NUP210L: variants seen among roughly 807,000 people sequenced by gnomAD.
NUP210L encodes nucleoporin 210 like.
A neutral mutation model predicts 208.5 loss-of-function variants in NUP210L; 74 were observed. The ratio of observed to expected loss-of-function variants is 0.35; its 90% CI spans 0.29 to 0.43. The LOEUF (loss-of-function observed/expected upper bound fraction) is 0.43, where lower values mean the gene tolerates loss of function less well. Ranked by LOEUF, NUP210L falls within the 20% of genes least tolerant of loss-of-function variation. The pLI, the probability that NUP210L is intolerant of heterozygous loss-of-function variation, is 1.00. For missense variants in NUP210L, 1,843 were observed against 2,289.4 expected (o/e 0.81, Z 3.98); for synonymous variants, 780 against 816.9 (o/e 0.95, Z 0.77).
At chr1:154,089,156 A>G (rs1655773657) in intron 16 of NUP210L, among the ~76,000 whole-genome samples, 1 of 152,178 alleles carries the variant, frequency 6.6e-6, no homozygotes, top group African/African-American at 2.4e-5. Context: ...CTCAGACACT[A>G]TCAGAAAATG....
rs80288993 is a variant in NUP210L at position 154,001,183 on chromosome 1, G to A, written c.5182-123C>T. The A allele has an allele frequency of 7.8e-3, 6,229 of 797,892 alleles. 38 individuals carry two copies. The highest frequency in any genetic ancestry group is 0.011 in the Non-Finnish European group (5,391 of 508,090). The allele number at this position is 797,892 out of a possible 1,614,324, so 49.4% of individuals were successfully genotyped here. ...GATCTGGATTTCTAGCTAGCTAGCC[G>A]ACAATCAAATCATTTACTTTTTTGT... On this transcript the variant is annotated intron_variant, in intron 36 of 39. Transcript: ENST00000368559.
intron 3 of NUP210L, among the ~76,000 whole-genome samples, chr1:154,142,959 C>T (rs781460204): frequency 5.3e-5 from 8 of 151,414 alleles, no homozygotes; most frequent in Middle Eastern, 3.5e-3. Context: ...GAGGCCAAGG[C>T]GGGTGGATCA....
At chr1:154,143,664 A>C (rs1434014321) in intron 2 of NUP210L, 87 bp from the exon 3 acceptor site, 16 of 1,178,320 alleles carry the variant, frequency 1.4e-5, no homozygotes, top group Non-Finnish European at 1.9e-5. Flanking sequence ...TATTCTAAAG[A>C]TTATGAAAAA....
chr1:154,072,043 A>AGTTG (rs1209697745), intron 16 of NUP210L, among the ~76,000 whole-genome samples: 2 of 151,490 alleles, frequency 1.3e-5, no homozygotes, highest in Non-Finnish European at 2.9e-5. Context: ...TGGGCATCTC[A>AGTTG]GTTGGTTCCA....
chr1:153,996,108 T>C (rs759415743), intron 37 of NUP210L: 44 of 291,472 alleles, frequency 1.5e-4, no homozygotes, highest in Admixed American at 4.5e-4. Context: ...CTGGCTAACA[T>C]GGTGAAACCC....
chr1:154,105,360 G>A (rs1656699077), intron 12 of NUP210L, among the ~76,000 whole-genome samples: 1 of 152,016 alleles, frequency 6.6e-6, no homozygotes, highest in Non-Finnish European at 1.5e-5. Context: ...CGTGGTGGCG[G>A]GCACCTGTAA....
intron 38 of NUP210L, among the ~76,000 whole-genome samples, chr1:153,994,601 C>G (rs907740226): frequency 5.9e-5 from 9 of 151,990 alleles, no homozygotes; most frequent in Non-Finnish European, 7.4e-5. Flanking sequence ...CATAAGCCAC[C>G]ATGCCCGGCT....
chr1:154,055,506 C>T (rs945115882), intron 23 of NUP210L, among the ~76,000 whole-genome samples: 1 of 152,198 alleles, frequency 6.6e-6, no homozygotes, highest in Non-Finnish European at 1.5e-5. Context: ...CTGCCTCAGC[C>T]TCCCAAAGTG....
At chr1:154,046,033 TCCC>T in intron 27 of NUP210L, 33 bp downstream of exon 27, 1 of 1,552,596 alleles carries the variant, frequency 6.4e-7, no homozygotes, top group Non-Finnish European at 8.7e-7. Flanking sequence ...AATATCAAGA[TCCC>T]TAAGATAACA....
chr1:154,055,181 TTCTTTCTTTTTC>T (rs1418258317), intron 23 of NUP210L, among the ~76,000 whole-genome samples: 8 of 143,680 alleles, frequency 5.6e-5, no homozygotes, highest in Non-Finnish European at 1.2e-4. Flanking sequence ...CTTTCTTTCT[TTCTTTCTTTTTC>T]TTTCTTTCTT....
intron 20 of NUP210L, among the ~76,000 whole-genome samples, chr1:154,059,204 G>A (rs775175613): frequency 2.6e-4 from 40 of 152,100 alleles, no homozygotes; most frequent in Non-Finnish European, 4.9e-4. Context: ...TGGGCACGGT[G>A]GTCCGTGCCT....
At position 153,993,294 on chromosome 1, in the gene NUP210L, C is replaced by T. The variant is rs182904521; in HGVS notation, c.5492-205G>A. 3.7e-4 allele frequency among the ~76,000 whole-genome samples: 56 copies of T among 152,236 alleles called. 1 individual carries two copies. Among genetic ancestry groups the T allele is most frequent in the Admixed American group, 3.1e-3 (47 of 15,278 alleles). Reference sequence around the variant, plus strand: ...CTGAAAGGGGGAAAATGGCCGGGCACGGTGGCTCACGCCTGTAATCGCAGC... The same window carrying T: ...CTGAAAGGGGGAAAATGGCCGGGCATGGTGGCTCACGCCTGTAATCGCAGC... On this transcript the variant is annotated intron_variant, in intron 38 of 39. Transcript: ENST00000368559.
intron 27 of NUP210L, among the ~76,000 whole-genome samples, chr1:154,030,719 TTTAAG>T (rs554446539): frequency 1.9e-3 from 294 of 152,092 alleles, no homozygotes; most frequent in Non-Finnish European, 8.4e-4. Flanking sequence ...TCAAGCACAC[TTTAAG>T]TTGAAACCTT....
Position 154,007,164 on chromosome 1 carries a change from T to C in NUP210L, c.4930+2808A>G, listed in dbSNP as rs1199868191. Among the ~76,000 whole-genome samples the C allele has an allele frequency of 2.0e-5, 3 of 146,980 alleles. No individual in the cohort carries two copies. In the Admixed American group the frequency reaches 2.1e-4, roughly 10 times the overall value. ...TTTTAGTAAAGACGGAGTTTCACCA[T>C]GTTAGCCAGGCTGGTCTCAAACTCC... On this transcript the variant is annotated intron_variant, in intron 35 of 39. Coordinates refer to ENST00000368559, the Ensembl canonical transcript of NUP210L.
At chr1:154,145,303 A>T (rs1659061267) in intron 2 of NUP210L, among the ~76,000 whole-genome samples, 1 of 151,898 alleles carries the variant, frequency 6.6e-6, no homozygotes, top group African/African-American at 2.4e-5. Flanking sequence ...CTGTAGTCCC[A>T]GCTACTCGGG....
At chr1:154,075,086 G>A (rs934126108) in intron 16 of NUP210L, among the ~76,000 whole-genome samples, 3 of 152,102 alleles carry the variant, frequency 2.0e-5, no homozygotes, top group Non-Finnish European at 4.4e-5. Context: ...GAGACTCATT[G>A]TTCACTTTCC....
chr1:154,013,618 CAAA>C, intron 33 of NUP210L, among the ~76,000 whole-genome samples: 1 of 151,596 alleles, frequency 6.6e-6, no homozygotes, highest in South Asian at 2.1e-4. Flanking sequence ...AAAAAACACA[CAAA>C]AAAAACAACT....
intron 10 of NUP210L, among the ~76,000 whole-genome samples, chr1:154,119,970 C>T (rs1227797627): frequency 2.0e-5 from 3 of 152,202 alleles, no homozygotes; most frequent in Admixed American, 6.5e-5. Flanking sequence ...AATCGCCACG[C>T]TGACTTCCAC....
At chr1:154,001,103 C>T (rs911455920) in intron 36 of NUP210L, 43 bp from the exon 37 acceptor site, 7 of 1,531,998 alleles carry the variant, frequency 4.6e-6, no homozygotes, top group Non-Finnish European at 2.7e-6. Flanking sequence ...GAAGAAAAAT[C>T]AACTTTGTAT....
Sources: allele counts gnomAD v4.1 joint callset (sites outside exome capture counted in the v4.1 genomes callset), GRCh38; gene constraint gnomAD v4.1.1; transcripts MANE v1.5; gene names NCBI Gene and HGNC (gene_info 2026-07-23, HGNC 2026-07-21).